Variants in SGCZ observed in about 807,000 individuals in gnomAD.
The protein encoded by SGCZ is zeta-sarcoglycan.
SGCZ carries 40 observed loss-of-function variants against 41.3 expected under a neutral mutation model. The ratio of observed to expected loss-of-function variants is 0.97; its 90% CI spans 0.75 to 1.26. The LOEUF (loss-of-function observed/expected upper bound fraction) is 1.26. Among genes scored for constraint, SGCZ ranks in the 50% most tolerant of loss-of-function variants. The pLI is 0.00. For missense variants in SGCZ, 552 were observed against 369.8 expected, an observed-to-expected ratio of 1.49 and a Z score of -4.04; for synonymous variants, 206 against 137.5, an observed-to-expected ratio of 1.50 and a Z score of -3.49.
intron 3 of SGCZ, among the ~76,000 whole-genome samples, chr8:14,255,167 T>C (rs560952973): frequency 6.6e-6 from 1 of 152,244 alleles, no homozygotes; most frequent in African/African-American, 2.4e-5. Context: ...TCAGCCCTCA[T>C]TCCTGGAAGA....
intron 2 of SGCZ, among the ~76,000 whole-genome samples, chr8:14,538,867 T>C (rs557482681): frequency 6.6e-6 from 1 of 152,048 alleles, no homozygotes; most frequent in Admixed American, 6.6e-5. Flanking sequence ...GATGGTTCCC[T>C]CTAATTGCAA....
chr8:14,337,299 T>C (rs1802538939), intron 2 of SGCZ, among the ~76,000 whole-genome samples: 1 of 152,132 alleles, frequency 6.6e-6, no homozygotes, highest in Non-Finnish European at 1.5e-5. Flanking sequence ...AAGCTGTGTA[T>C]GAGTTGGCCC....
At chr8:14,602,977 G>T (rs964559493) in intron 1 of SGCZ, among the ~76,000 whole-genome samples, 1 of 152,128 alleles carries the variant, frequency 6.6e-6, no homozygotes, top group Admixed American at 6.6e-5. Context: ...GCATGCCGAA[G>T]TAGAATCAGC....
chr8:15,085,951 T>A (rs1175116292), intron 1 of SGCZ, among the ~76,000 whole-genome samples: 5 of 152,208 alleles, frequency 3.3e-5, no homozygotes, highest in Non-Finnish European at 7.3e-5. Flanking sequence ...TCCCTTTATC[T>A]GCTGTTCCGG....
intron 1 of SGCZ, among the ~76,000 whole-genome samples, chr8:14,582,656 C>A (rs1196127585): frequency 7.2e-5 from 8 of 111,234 alleles, no homozygotes; most frequent in Non-Finnish European, 1.1e-4. Context: ...TATCCCTCCC[C>A]CCTCCCCCCA....
At chr8:14,812,600 C>T (rs189692329) in intron 1 of SGCZ, among the ~76,000 whole-genome samples, 2 of 152,150 alleles carry the variant, frequency 1.3e-5, no homozygotes, top group East Asian at 3.9e-4. Flanking sequence ...CCTAAATGGC[C>T]TCCAAACACC....
At chr8:14,575,102 G>C (rs1804667516) in intron 1 of SGCZ, among the ~76,000 whole-genome samples, 1 of 152,058 alleles carries the variant, frequency 6.6e-6, no homozygotes, top group Non-Finnish European at 1.5e-5. Flanking sequence ...CTGATTTTTT[G>C]CTTCAAAATG....
At chr8:14,997,213 G>A (rs544612996) in intron 1 of SGCZ, among the ~76,000 whole-genome samples, 51 of 152,162 alleles carry the variant, frequency 3.4e-4, no homozygotes, top group Middle Eastern at 6.8e-3. Flanking sequence ...ATAATTAATA[G>A]GTTAATAGTA....
chr8:14,100,198 T>TGAAAACCTGTG lies in SGCZ; in HGVS notation c.744+2167_744+2177dup, dbSNP rs1479686485. Among the ~76,000 whole-genome samples the TGAAAACCTGTG allele has an allele frequency of 2.6e-5, 4 of 151,860 alleles. No individual in the cohort carries two copies. In the East Asian group the frequency reaches 7.7e-4, roughly 29 times the overall value. ...TGTTACTATAAAAAAAAACCACAGATGAAAACCTGTGGCTATGATTTATTT... is the reference window on the plus strand; with the variant it reads ...TGTTACTATAAAAAAAAACCACAGATGAAAACCTGTGGAAAACCTGTGGCTATGATTTATTT... On this transcript the variant is annotated intron_variant, in intron 7 of 7. Coordinates refer to ENST00000382080, the MANE Select transcript of SGCZ (RefSeq NM_139167.4).
chr8:14,665,595 T>G (rs1189245313), intron 1 of SGCZ, among the ~76,000 whole-genome samples: 1 of 152,214 alleles, frequency 6.6e-6, no homozygotes, highest in Non-Finnish European at 1.5e-5. Flanking sequence ...GAACAAGTGT[T>G]CAATAGACAT....
intron 4 of SGCZ, among the ~76,000 whole-genome samples, chr8:14,185,474 T>C (rs966112169): frequency 6.6e-6 from 1 of 152,146 alleles, no homozygotes; most frequent in Non-Finnish European, 1.5e-5. Flanking sequence ...CTTCAATTGA[T>C]CTAATCAATA....
chr8:14,619,988 C>T (rs1489360221), intron 1 of SGCZ, among the ~76,000 whole-genome samples: 1 of 152,278 alleles, frequency 6.6e-6, no homozygotes, highest in East Asian at 1.9e-4. Flanking sequence ...CCAAGACAAT[C>T]CTAAGCCAAA....
At chr8:14,591,649 T>A (rs1455050325) in intron 1 of SGCZ, among the ~76,000 whole-genome samples, 3 of 152,108 alleles carry the variant, frequency 2.0e-5, no homozygotes, top group African/African-American at 7.2e-5. Flanking sequence ...TATAAATCAC[T>A]TCACTATGAA....
chr8:15,194,009 CTTG>C (rs2117116973), intron 1 of SGCZ, among the ~76,000 whole-genome samples: 1 of 152,272 alleles, frequency 6.6e-6, no homozygotes. Context: ...GCCAGTGTAA[CTTG>C]TTAGAGTATA....
chr8:14,171,623 T>TA (rs1157106564), intron 4 of SGCZ, among the ~76,000 whole-genome samples: 4 of 152,156 alleles, frequency 2.6e-5, no homozygotes, highest in Middle Eastern at 6.9e-3. Context: ...TTTTCTAACA[T>TA]AAAAAATCGT....
At chr8:14,806,623 T>C (rs565797045) in intron 1 of SGCZ, among the ~76,000 whole-genome samples, 5 of 152,152 alleles carry the variant, frequency 3.3e-5, no homozygotes, top group Admixed American at 2.6e-4. Flanking sequence ...CAGGACCAGA[T>C]GGATTCACAG....
chr8:14,669,385 G>GTAAGTAAGTAAGTAAGTAAA (rs1465447907), intron 1 of SGCZ, among the ~76,000 whole-genome samples: 167 of 55,112 alleles, frequency 3.0e-3, no homozygotes, highest in African/African-American at 0.024. Context: ...AAGTAAGTAA[G>GTAAGTAAGTAAGTAAGTAAA]TAAATAAATA....
intron 1 of SGCZ, among the ~76,000 whole-genome samples, chr8:14,998,131 G>C (rs900533975): frequency 6.6e-5 from 10 of 152,162 alleles, no homozygotes; most frequent in South Asian, 6.2e-4. Context: ...TAGAAAAATA[G>C]TGTAGGTAGC....
In SGCZ at chr8:14,955,906, C is replaced by T. The variant is rs1253000313; in HGVS notation, c.39+281679G>A. Reference sequence around the variant, plus strand: ...AAACAAGAGTTGTTCATTTTAATGCCATTGAATGTACCAATATTTTGCTGC... The same window carrying T: ...AAACAAGAGTTGTTCATTTTAATGCTATTGAATGTACCAATATTTTGCTGC... On this transcript the variant is annotated intron_variant, in intron 1 of 7. Transcript: ENST00000382080. 3.9e-5 allele frequency among the ~76,000 whole-genome samples: 6 copies of T among 152,124 alleles called. No homozygotes were observed. In the East Asian group the frequency reaches 5.8e-4, roughly 15 times the overall value.
Sources: allele counts gnomAD v4.1 joint callset (sites outside exome capture counted in the v4.1 genomes callset), GRCh38; gene constraint gnomAD v4.1.1; transcripts MANE v1.5; gene names NCBI Gene and HGNC (gene_info 2026-07-23, HGNC 2026-07-21).